Variants in SV2C observed in about 807,000 individuals in gnomAD.
SV2C encodes the protein synaptic vesicle glycoprotein 2C, also known as solute carrier family 22 member B3.
In SV2C, 49 loss-of-function variants were observed where a neutral mutation model predicts 79.7. The ratio of observed to expected loss-of-function variants is 0.61; its 90% confidence interval spans 0.49 to 0.78. SV2C has a LOEUF of 0.78. Among genes scored for constraint, SV2C ranks in the 30% least tolerant of loss-of-function variants. The probability of loss-of-function intolerance (pLI) is 0.00; values close to 1 mark genes in which losing one functional copy is unlikely to be tolerated. For synonymous variants in SV2C, 334 were observed against 333.2 expected, an observed-to-expected ratio of 1.00 and a Z score of -0.03; for missense variants, 833 against 912.9, an observed-to-expected ratio of 0.91 and a Z score of 1.13.
the SV2C span, among the ~76,000 whole-genome samples, chr5:75,950,821 A>G: frequency 4.6e-5 from 7 of 152,016 alleles, no homozygotes; most frequent in African/African-American, 7.2e-5. Context: ...TGTTTAAACA[A>G]TAGTAATATC....
the SV2C span, among the ~76,000 whole-genome samples, chr5:75,934,734 A>T: frequency 0.018 from 2,725 of 152,148 alleles, 65 homozygotes; most frequent in African/African-American, 0.059. Flanking sequence ...TTTGAGTTCT[A>T]CTGTCCTATG....
the SV2C span, among the ~76,000 whole-genome samples, chr5:75,873,702 G>A: frequency 2.0e-5 from 3 of 151,940 alleles, no homozygotes; most frequent in Non-Finnish European, 1.5e-5. Flanking sequence ...AATTGTTTTT[G>A]TGCAACTAGA....
chr5:76,078,392 C>G (rs1746920383), upstream of SV2C, among the ~76,000 whole-genome samples: 1 of 152,196 alleles, frequency 6.6e-6, no homozygotes, highest in South Asian at 2.1e-4. Flanking sequence ...CAGAGGGTTT[C>G]AGGAGCTGGA....
chr5:76,252,688 C>T (rs1309169252), intron 4 of SV2C, among the ~76,000 whole-genome samples: 1 of 152,096 alleles, frequency 6.6e-6, no homozygotes, highest in African/African-American at 2.4e-5. Flanking sequence ...TTTCTTTTAA[C>T]AACATTGAAA....
At chr5:75,861,175 A>G in the SV2C span, among the ~76,000 whole-genome samples, 2 of 152,278 alleles carry the variant, frequency 1.3e-5, no homozygotes. Context: ...AAACATGAAC[A>G]TGAACAGGGA....
the SV2C span, among the ~76,000 whole-genome samples, chr5:75,893,724 A>G: frequency 2.6e-5 from 4 of 152,148 alleles, no homozygotes; most frequent in South Asian, 8.3e-4. Flanking sequence ...AAATGTGTAC[A>G]TGTACCTCCT....
intron 1 of SV2C, among the ~76,000 whole-genome samples, chr5:76,124,220 C>A (rs192648487): frequency 1.1e-4 from 16 of 152,244 alleles, no homozygotes; most frequent in Middle Eastern, 3.4e-3. Context: ...TCACTCTGTT[C>A]ATCTTGTAAA....
the SV2C span, among the ~76,000 whole-genome samples, chr5:75,986,675 G>A: frequency 1.3e-5 from 2 of 152,062 alleles, no homozygotes; most frequent in Admixed American, 1.3e-4. Flanking sequence ...AGTCTTCGAA[G>A]GGCAGGTAAC....
chr5:75,911,029 C>G, the SV2C span: 3 of 1,112,278 alleles, frequency 2.7e-6, no homozygotes, highest in East Asian at 2.4e-5. Context: ...CTACACTTTC[C>G]TTGAAGAGTG....
the SV2C span, among the ~76,000 whole-genome samples, chr5:75,968,116 C>A: frequency 6.6e-6 from 1 of 152,200 alleles, no homozygotes; most frequent in Non-Finnish European, 1.5e-5. Flanking sequence ...AGGGTCCTGA[C>A]TGTTAGAATG....
chr5:75,902,364 C>T, the SV2C span, among the ~76,000 whole-genome samples: 1 of 152,196 alleles, frequency 6.6e-6, no homozygotes, highest in African/African-American at 2.4e-5. Flanking sequence ...ATTCAGGCTA[C>T]TGTGCCTTCA....
At chr5:75,898,991 C>A in the SV2C span, among the ~76,000 whole-genome samples, 1 of 152,048 alleles carries the variant, frequency 6.6e-6, no homozygotes, top group Admixed American at 6.6e-5. Flanking sequence ...AGCGGTCTAA[C>A]AATTTTGTTG....
chr5:75,911,650 G>A, the SV2C span: 28,985 of 699,702 alleles, frequency 0.041, 5,532 homozygotes, highest in African/African-American at 0.43. Flanking sequence ...TCAGAACCCC[G>A]AAGAACTTTG....
intron 4 of SV2C, among the ~76,000 whole-genome samples, chr5:76,219,907 A>T (rs1745018678): frequency 6.6e-6 from 1 of 152,206 alleles, no homozygotes; most frequent in Non-Finnish European, 1.5e-5. Flanking sequence ...GCATTTACTG[A>T]GAGCTTTCTG....
chr5:76,321,346 C>A (rs570863740), intron 12 of SV2C, among the ~76,000 whole-genome samples: 2 of 151,910 alleles, frequency 1.3e-5, no homozygotes, highest in African/African-American at 4.8e-5. Flanking sequence ...TTCGATGTGC[C>A]TTTAACTCAG....
chr5:76,347,354 G>A (rs750687855), intron 12 of SV2C, among the ~76,000 whole-genome samples: 3 of 152,094 alleles, frequency 2.0e-5, no homozygotes, highest in African/African-American at 4.8e-5. Context: ...TGGGAAGCTG[G>A]GGAATGAGTG....
chr5:76,087,950 G>A (rs912883396), intron 1 of SV2C, among the ~76,000 whole-genome samples: 1 of 152,226 alleles, frequency 6.6e-6, no homozygotes, highest in Non-Finnish European at 1.5e-5. Flanking sequence ...GGCATTGGCA[G>A]AAGGAACATT....
At chr5:76,093,159 C>T (rs978685839) in intron 1 of SV2C, among the ~76,000 whole-genome samples, 4 of 152,132 alleles carry the variant, frequency 2.6e-5, no homozygotes, top group East Asian at 1.9e-4. Context: ...GAGCACCCAT[C>T]GAAAATCAGA....
intron 2 of SV2C, among the ~76,000 whole-genome samples, chr5:76,142,627 C>G (rs951743518): frequency 1.3e-5 from 2 of 152,062 alleles, no homozygotes; most frequent in Non-Finnish European, 2.9e-5. Flanking sequence ...AAATAATGCT[C>G]CAATTAATGT....
Sources: gnomAD v4.1 joint callset for allele counts (sites outside exome capture counted in the v4.1 genomes callset) on GRCh38, gnomAD v4.1.1 for gene constraint, MANE v1.5 for transcripts, NCBI Gene and HGNC (gene_info 2026-07-23, HGNC 2026-07-21) for gene names.